The following DPH6 variants were observed in gnomAD, a reference collection of about 807,000 sequenced individuals.
DPH6 encodes the protein diphthamine biosynthesis 6, also known as diphthine--ammonia ligase.
A neutral mutation model predicts 38.2 loss-of-function variants in DPH6; 33 were observed. That is an observed-to-expected ratio of 0.86 (90% CI 0.65 to 1.15). The LOEUF is 1.15. Among genes scored for constraint, DPH6 ranks in the 50% most tolerant of loss-of-function variants. The probability of loss-of-function intolerance (pLI) is 0.00; values close to 1 mark genes in which losing one functional copy is unlikely to be tolerated. For missense variants in DPH6, 325 were observed against 320.0 expected, an observed-to-expected ratio of 1.02 and a Z score of -0.12; for synonymous variants, 108 against 103.0, an observed-to-expected ratio of 1.05 and a Z score of -0.30.
At chr15:35,471,369 G>C (rs1595393101) in intron 3 of DPH6, among the ~76,000 whole-genome samples, 1 of 152,054 alleles carries the variant, frequency 6.6e-6, no homozygotes, top group Non-Finnish European at 1.5e-5. Flanking sequence ...TCACTGCAGT[G>C]CTCCTAAATC....
At chr15:35,398,462 G>A (rs1349882180) in intron 6 of DPH6, among the ~76,000 whole-genome samples, 3 of 152,116 alleles carry the variant, frequency 2.0e-5, no homozygotes, top group South Asian at 4.1e-4. Context: ...ATGAAAACCC[G>A]AACGGACAGG....
At chr15:35,400,379 G>C (rs2053200893) in intron 6 of DPH6, among the ~76,000 whole-genome samples, 1 of 152,110 alleles carries the variant, frequency 6.6e-6, no homozygotes, top group Admixed American at 6.5e-5. Flanking sequence ...AGGAGGGAAA[G>C]AGAACATATA....
the DPH6 span, among the ~76,000 whole-genome samples, chr15:35,193,292 T>C: frequency 6.6e-6 from 1 of 152,112 alleles, no homozygotes; most frequent in Non-Finnish European, 1.5e-5. Context: ...TGGATTTGAT[T>C]GTCAACTTTA....
intron 5 of DPH6, among the ~76,000 whole-genome samples, chr15:35,422,218 A>G (rs2053514727): frequency 6.6e-6 from 1 of 151,982 alleles, no homozygotes. Flanking sequence ...TAAGTTTCCC[A>G]TGAATCATCA....
intron 3 of DPH6, among the ~76,000 whole-genome samples, chr15:35,530,870 A>G (rs185627855): frequency 6.6e-6 from 1 of 152,350 alleles, no homozygotes; most frequent in Non-Finnish European, 1.5e-5. Flanking sequence ...AGTGAAAATG[A>G]CACTGGTCTG....
chr15:35,176,124 C>T, the DPH6 span, among the ~76,000 whole-genome samples: 1 of 152,210 alleles, frequency 6.6e-6, no homozygotes, highest in African/African-American at 2.4e-5. Context: ...GTGTGAATCA[C>T]TGTATATACA....
intron 4 of DPH6, among the ~76,000 whole-genome samples, chr15:35,451,672 C>T (rs2053934767): frequency 2.0e-5 from 3 of 152,226 alleles, no homozygotes; most frequent in South Asian, 2.1e-4. Context: ...CACCCTCACC[C>T]TTTTAAAATC....
chr15:35,317,263 A>G (rs1297436123), intron 3 of DPH6, among the ~76,000 whole-genome samples: 1 of 138,370 alleles, frequency 7.2e-6, no homozygotes, highest in Non-Finnish European at 1.6e-5. Context: ...CTCTGAAAAA[A>G]AGAAAGAAAG....
intron 6 of DPH6, among the ~76,000 whole-genome samples, chr15:35,391,976 C>A (rs2053065644): frequency 6.6e-6 from 1 of 152,008 alleles, no homozygotes; most frequent in African/African-American, 2.4e-5. Context: ...ATTCAGCCAT[C>A]TTGATCCCAA....
intron 3 of DPH6, among the ~76,000 whole-genome samples, chr15:35,228,465 G>T (rs1364697314): frequency 1.3e-5 from 2 of 152,156 alleles, no homozygotes; most frequent in Non-Finnish European, 2.9e-5. Context: ...TGTGTTTTCT[G>T]TCACCTAGGC....
the DPH6 span, among the ~76,000 whole-genome samples, chr15:35,167,906 C>T: frequency 2.0e-5 from 3 of 151,978 alleles, no homozygotes; most frequent in East Asian, 5.8e-4. Flanking sequence ...TCACAAGGTA[C>T]TAATTTTCCC....
intron 5 of DPH6, among the ~76,000 whole-genome samples, chr15:35,423,009 C>T (rs549956608): frequency 6.6e-6 from 1 of 151,868 alleles, no homozygotes; most frequent in South Asian, 2.1e-4. Flanking sequence ...GTGAATAATG[C>T]TAAAATAAAC....
chr15:35,448,906 T>C (rs1226620982), intron 5 of DPH6, among the ~76,000 whole-genome samples: 1 of 151,512 alleles, frequency 6.6e-6, no homozygotes, highest in Non-Finnish European at 1.5e-5. Flanking sequence ...CCTTTTTCTA[T>C]TATAAGACCA....
At chr15:35,355,586 T>C (rs2052552450) in intron 3 of DPH6, among the ~76,000 whole-genome samples, 1 of 152,228 alleles carries the variant, frequency 6.6e-6, no homozygotes, top group African/African-American at 2.4e-5. Context: ...TTGAAAATTC[T>C]TTTCTTTAAG....
At chr15:35,293,859 G>A (rs2051996204) in intron 3 of DPH6, among the ~76,000 whole-genome samples, 1 of 152,184 alleles carries the variant, frequency 6.6e-6, no homozygotes, top group Non-Finnish European at 1.5e-5. Flanking sequence ...ACTTTGTTAG[G>A]ACTTTTGTCC....
At position 35,224,350 on chromosome 15, in the gene DPH6, G is replaced by A. The variant is rs564947612; in HGVS notation, n.201-3768C>T. ...TCAGACTCCTGACCTCAAGTGATCC[G>A]CCTGCCACGGCCTCCCAAAGTGCTG... On this transcript the variant is annotated intron_variant and non_coding_transcript_variant, in intron 3 of 3. Coordinates refer to the DPH6 transcript ENST00000560386. Among the ~76,000 whole-genome samples the A allele has an allele frequency of 8.6e-5, 13 of 152,038 alleles. No individual in the cohort carries two copies. The South Asian group carries it at 1.5e-3, about 17-fold the overall frequency.
chr15:35,535,471 A>T (rs960104317), intron 3 of DPH6, among the ~76,000 whole-genome samples: 1 of 152,210 alleles, frequency 6.6e-6, no homozygotes, highest in Non-Finnish European at 1.5e-5. Flanking sequence ...AAGACATCAG[A>T]TCCAGAAAGT....
chr15:35,467,048 TAA>T (rs375547447), intron 3 of DPH6, among the ~76,000 whole-genome samples: 1 of 149,696 alleles, frequency 6.7e-6, no homozygotes, highest in African/African-American at 2.4e-5. Context: ...ACTAAATTTA[TAA>T]AAAAAAAATC....
the DPH6 span, among the ~76,000 whole-genome samples, chr15:35,157,328 C>T: frequency 6.6e-6 from 1 of 152,066 alleles, no homozygotes; most frequent in African/African-American, 2.4e-5. Context: ...TACTGGTTTG[C>T]TTGCATTTTT....
Sources: gnomAD v4.1 joint callset for allele counts (sites outside exome capture counted in the v4.1 genomes callset) on GRCh38, gnomAD v4.1.1 for gene constraint, MANE v1.5 for transcripts, NCBI Gene and HGNC (gene_info 2026-07-23, HGNC 2026-07-21) for gene names.